Variants in RNFT2 observed in about 807,000 individuals in gnomAD.
RNFT2 encodes E3 ubiquitin-protein ligase RNFT2.
RNFT2 carries 36 observed loss-of-function variants against 53.0 expected under a neutral mutation model. The observed-to-expected ratio is 0.68, with a 90% confidence interval of 0.52 to 0.90. The LOEUF is 0.90. Among genes scored for constraint, RNFT2 ranks in the 40% least tolerant of loss-of-function variants. RNFT2 has a pLI of 0.00. For missense variants in RNFT2, 514 were observed against 585.6 expected (o/e 0.88, Z 1.26); for synonymous variants, 260 against 253.2 (o/e 1.03, Z -0.26).
At chr12:116,817,742 C>T (rs1033034999) in intron 7 of RNFT2, among the ~76,000 whole-genome samples, 2 of 152,222 alleles carry the variant, frequency 1.3e-5, no homozygotes, top group Non-Finnish European at 2.9e-5. Flanking sequence ...AGTAAGACCA[C>T]ACTTTACACT....
At chr12:116,789,237 ATGGATGGG>A (rs1374217486) in intron 7 of RNFT2, among the ~76,000 whole-genome samples, 1 of 131,362 alleles carries the variant, frequency 7.6e-6, no homozygotes, top group Non-Finnish European at 1.6e-5. Flanking sequence ...AGGAGAGTAG[ATGGATGGG>A]TGGATGGGTA....
intron 7 of RNFT2, among the ~76,000 whole-genome samples, chr12:116,783,597 C>T (rs901374379): frequency 6.6e-6 from 1 of 152,258 alleles, no homozygotes; most frequent in South Asian, 2.1e-4. Context: ...GCAATAACAC[C>T]CCTCCCTGTG....
intron 6 of RNFT2, among the ~76,000 whole-genome samples, chr12:116,769,371 T>A (rs1305874218): frequency 1.3e-5 from 2 of 152,248 alleles, no homozygotes; most frequent in African/African-American, 2.4e-5. Context: ...TAAGGCAGCC[T>A]TAGGCAGTGC....
chr12:116,773,074 GC>G (rs1873273460), intron 6 of RNFT2, among the ~76,000 whole-genome samples: 1 of 152,132 alleles, frequency 6.6e-6, no homozygotes, highest in Non-Finnish European at 1.5e-5. Context: ...TGATCCACCT[GC>G]CTCGGCTTCC....
chr12:116,791,734 G>A (rs2393085), intron 7 of RNFT2, among the ~76,000 whole-genome samples: 137,255 of 152,334 alleles, frequency 0.9, 61,853 homozygotes, highest in East Asian at 0.94. Context: ...TAGTGCTGCT[G>A]TGAGCTTTCG....
intron 3 of RNFT2, 102 bp from the exon 4 acceptor site, chr12:116,749,739 C>T: frequency 9.6e-7 from 1 of 1,046,738 alleles, no homozygotes; most frequent in East Asian, 2.6e-5. Flanking sequence ...GGACACAGCT[C>T]AACCCATAAC....
intron 7 of RNFT2, among the ~76,000 whole-genome samples, chr12:116,819,228 G>C (rs1287207282): frequency 6.6e-6 from 1 of 152,200 alleles, no homozygotes; most frequent in Non-Finnish European, 1.5e-5. Context: ...ATAAGAGAGC[G>C]GGGAGTGGAC....
chr12:116,782,076 CT>C (rs1873733686), intron 7 of RNFT2: 1 of 858 alleles, frequency 1.2e-3, no homozygotes, highest in African/African-American at 8.2e-3. Flanking sequence ...GAGACTCCGT[CT>C]CCAAAAAAAA....
chr12:116,745,575 G>A (rs2137066127), intron 3 of RNFT2, among the ~76,000 whole-genome samples: 1 of 152,222 alleles, frequency 6.6e-6, no homozygotes, highest in East Asian at 1.9e-4. Context: ...TAGGTTTTTA[G>A]TAACATACCT....
intron 7 of RNFT2, among the ~76,000 whole-genome samples, chr12:116,820,282 A>C (rs1287554764): frequency 1.3e-5 from 2 of 152,058 alleles, no homozygotes; most frequent in Non-Finnish European, 1.5e-5. Context: ...GGATTTCATT[A>C]TGTTTCCCAG....
Position 116,822,009 on chromosome 12 carries a change from A to G in RNFT2, c.883-11783A>G, listed in dbSNP as rs572478441. ...ACCTCTACACCAGCTAATTTTTTGT[A>G]TTTTTGGTAGAGACGGGATTTCACC... On this transcript the variant is annotated intron_variant, in intron 7 of 10. Transcript: ENST00000257575. Among the ~76,000 whole-genome samples, 14 of 151,056 alleles carry G rather than the reference A, an allele frequency of 9.3e-5. No homozygotes were observed. In the South Asian group the frequency reaches 2.5e-3, roughly 27 times the overall value.
At chr12:116,739,757 A>G (rs1871508973) in intron 1 of RNFT2, among the ~76,000 whole-genome samples, 1 of 152,228 alleles carries the variant, frequency 6.6e-6, no homozygotes, top group Admixed American at 6.5e-5. Context: ...TTGGAAACAG[A>G]TGATGCTACA....
At chr12:116,740,996 G>A (rs531339805) in intron 2 of RNFT2, 40 bp from the exon 3 acceptor site, 7 of 1,568,978 alleles carry the variant, frequency 4.5e-6, no homozygotes, top group Non-Finnish European at 6.1e-6. Context: ...GGCAGTGGGA[G>A]TGTTGGGAGA....
intron 10 of RNFT2, among the ~76,000 whole-genome samples, chr12:116,841,858 A>T (rs184768675): frequency 0.012 from 303 of 24,320 alleles, 13 homozygotes; most frequent in Non-Finnish European, 0.019. Context: ...TATATATAAA[A>T]ATATATATAT....
chr12:116,792,981 C>CCTTTCTTA (rs1874326757), intron 7 of RNFT2, among the ~76,000 whole-genome samples: 1 of 152,128 alleles, frequency 6.6e-6, no homozygotes, highest in African/African-American at 2.4e-5. Context: ...GGAATCTCTC[C>CCTTTCTTA]ATTTTCTGCC....
chr12:116,833,433 G>A (rs367883763), intron 7 of RNFT2, among the ~76,000 whole-genome samples: 32 of 152,302 alleles, frequency 2.1e-4, no homozygotes, highest in African/African-American at 7.2e-4. Context: ...CGGAGGGCAG[G>A]GACTGTGCCC....
chr12:116,827,219 CAAAAAAA>C (rs753600365), intron 7 of RNFT2, among the ~76,000 whole-genome samples: 44 of 92,360 alleles, frequency 4.8e-4, no homozygotes, highest in African/African-American at 1.5e-3. Flanking sequence ...GACTCCATCT[CAAAAAAA>C]AAAAAAAAGA....
Position 116,851,489 on chromosome 12 carries a change from A to G in RNFT2, c.*2041A>G. On this transcript the variant is annotated 3_prime_UTR_variant, in exon 11 of 11. Coordinates refer to ENST00000257575, the MANE Select transcript of RNFT2 (RefSeq NM_001382266.1). ...TGTGGTGGCCCATGCCTGTAGTGCC[A>G]GCATTTTGGGAGGCTGAAGCAGGCG... 1 of 474,494 alleles carries G rather than the reference A, an allele frequency of 2.1e-6. No individual in the cohort carries two copies. The highest frequency in any genetic ancestry group is 3.8e-6 in the Non-Finnish European group (1 of 261,524). The allele number at this position is 474,494 out of a possible 1,614,324, so 29.4% of individuals were successfully genotyped here. A position where few individuals can be genotyped will look rare whatever the true frequency, so the allele number is the denominator to read the frequency against.
chr12:116,778,004 G>A (rs182485647), intron 6 of RNFT2, among the ~76,000 whole-genome samples: 24 of 152,280 alleles, frequency 1.6e-4, no homozygotes, highest in Admixed American at 1.0e-3. Context: ...GAGACACAGT[G>A]AGCAAAGAGC....
Sources: gnomAD v4.1 joint callset for allele counts (sites outside exome capture counted in the v4.1 genomes callset) on GRCh38, gnomAD v4.1.1 for gene constraint, MANE v1.5 for transcripts, NCBI Gene and HGNC (gene_info 2026-07-23, HGNC 2026-07-21) for gene names.